VAV2: variants seen among roughly 807,000 people sequenced by gnomAD.
VAV2 encodes vav guanine nucleotide exchange factor 2.
In VAV2, 67 loss-of-function variants were observed where a neutral mutation model predicts 132.5. The observed-to-expected ratio is 0.51, with a 90% CI of 0.42 to 0.62. The LOEUF is 0.62. Among genes scored for constraint, VAV2 ranks in the 20% least tolerant of loss-of-function variants. The probability of loss-of-function intolerance (pLI) is 0.00; values close to 1 mark genes in which losing one functional copy is unlikely to be tolerated. For missense variants in VAV2, 938 were observed against 1,153.6 expected, an observed-to-expected ratio of 0.81 and a Z score of 2.71; for synonymous variants, 492 against 443.5, an observed-to-expected ratio of 1.11 and a Z score of -1.37.
At position 133,991,977 on chromosome 9, in the gene VAV2, C is replaced by A; in HGVS notation, c.204+98G>T. The A allele has an allele frequency of 9.3e-7, 1 of 1,072,268 alleles. No homozygotes were observed. Among genetic ancestry groups the A allele is most frequent in the Non-Finnish European group, 1.2e-6 (1 of 856,544 alleles). The allele number at this position is 1,072,268 out of a possible 1,614,324, so 66.4% of individuals were successfully genotyped here. A position where few individuals can be genotyped will look rare whatever the true frequency, so the allele number is the denominator to read the frequency against. On this transcript the variant is annotated intron_variant, in intron 1 of 29. Coordinates refer to ENST00000371850, the MANE Select transcript of VAV2 (RefSeq NM_001134398.2). The surrounding 1 kb of genome is among the most constrained non-coding windows in gnomAD (Gnocchi z 4.8). ...CGGAGCCCGGCCGCCCCAGCCAGGG[C>A]GCCTGGGCCGCCGCCGCTGCGACCT...
At chr9:133,968,359 AC>A (rs1204662880) in intron 1 of VAV2, among the ~76,000 whole-genome samples, 2 of 152,186 alleles carry the variant, frequency 1.3e-5, no homozygotes, top group African/African-American at 4.8e-5. Flanking sequence ...TACCCCATAA[AC>A]AACGTACAAT....
intron 4 of VAV2, among the ~76,000 whole-genome samples, chr9:133,822,964 TGGGGGCTGGA>T (rs1387668378): frequency 1.3e-4 from 20 of 152,212 alleles, no homozygotes; most frequent in African/African-American, 4.3e-4. Context: ...AACTGCAAAA[TGGGGGCTGGA>T]GCACCCACCT....
intron 1 of VAV2, among the ~76,000 whole-genome samples, chr9:133,950,002 G>T (rs558782033): frequency 6.6e-6 from 1 of 152,298 alleles, no homozygotes; most frequent in South Asian, 2.1e-4. Flanking sequence ...AGGACCAGCA[G>T]CCGTGAAGTC....
At chr9:133,936,881 G>A (rs757748662) in intron 2 of VAV2, among the ~76,000 whole-genome samples, 1 of 152,198 alleles carries the variant, frequency 6.6e-6, no homozygotes, top group Non-Finnish European at 1.5e-5. Flanking sequence ...AGCATGACAA[G>A]AAGCCCCTTC....
In VAV2 at chr9:133,833,892, G is replaced by A. The variant is rs566622784; in HGVS notation, c.449+380C>T. On this transcript the variant is annotated intron_variant, in intron 4 of 29. Transcript: ENST00000371850. This position sits in a 1 kb window ranked among gnomAD's most constrained non-coding sequence, Gnocchi z 5.6. ...CAGCACCGCTCCCTCCTCACAACAC[G>A]GCATCCCAGGACCCGGCTTGGGGAG... Among the ~76,000 whole-genome samples, 11 of 152,126 alleles carry A rather than the reference G, an allele frequency of 7.2e-5. No individual in the cohort carries two copies. The South Asian group carries it at 2.1e-3, about 29-fold the overall frequency.
chr9:133,836,230 C>G (rs1836467840), intron 3 of VAV2, among the ~76,000 whole-genome samples: 1 of 152,174 alleles, frequency 6.6e-6, no homozygotes, highest in Non-Finnish European at 1.5e-5. Context: ...GCAGGTGACC[C>G]CAGAAAGCAC....
intron 4 of VAV2, among the ~76,000 whole-genome samples, chr9:133,825,054 G>C (rs534578782): frequency 1.3e-5 from 2 of 152,234 alleles, no homozygotes; most frequent in South Asian, 4.1e-4. Flanking sequence ...GCCACATGCG[G>C]CCAAGGAGAA....
At chr9:133,910,210 A>T (rs1429413836) in intron 2 of VAV2, among the ~76,000 whole-genome samples, 1 of 152,202 alleles carries the variant, frequency 6.6e-6, no homozygotes, top group East Asian at 1.9e-4. Context: ...TAGAACAAGA[A>T]GCTGGGTGCA....
At chr9:133,872,428 G>A (rs907787089) in intron 2 of VAV2, among the ~76,000 whole-genome samples, 2 of 152,210 alleles carry the variant, frequency 1.3e-5, no homozygotes, top group Non-Finnish European at 2.9e-5. Context: ...TCCTCACTCC[G>A]CGCACCGTCT....
chr9:133,847,259 T>A (rs1037939415), intron 3 of VAV2, among the ~76,000 whole-genome samples: 2 of 152,276 alleles, frequency 1.3e-5, no homozygotes, highest in Admixed American at 1.3e-4. Context: ...AAGTGGGTGC[T>A]CAGGGAAGGG....
At chr9:133,977,393 G>C (rs1187870226) in intron 1 of VAV2, among the ~76,000 whole-genome samples, 2 of 152,206 alleles carry the variant, frequency 1.3e-5, no homozygotes, top group Non-Finnish European at 2.9e-5. Context: ...CCCAGTCACA[G>C]AGGGCAGGAG....
intron 23 of VAV2, among the ~76,000 whole-genome samples, chr9:133,777,074 C>T (rs543238376): frequency 9.9e-5 from 15 of 152,262 alleles, no homozygotes; most frequent in Admixed American, 3.3e-4. Context: ...ATAGAGTCCC[C>T]GAAATCTGGT....
chr9:133,895,162 A>G (rs2131989781), intron 2 of VAV2, among the ~76,000 whole-genome samples: 1 of 152,298 alleles, frequency 6.6e-6, no homozygotes, highest in African/African-American at 2.4e-5. Context: ...CAACTCCTAC[A>G]GCAAAGAGTC....
intron 2 of VAV2, among the ~76,000 whole-genome samples, chr9:133,917,505 G>T (rs925801255): frequency 7.0e-6 from 1 of 143,040 alleles, no homozygotes; most frequent in Admixed American, 7.2e-5. Context: ...TCACAAAGAC[G>T]CATAACCTCC....
chr9:133,836,683 G>T (rs1048495018), intron 3 of VAV2, among the ~76,000 whole-genome samples: 1 of 152,164 alleles, frequency 6.6e-6, no homozygotes, highest in African/African-American at 2.4e-5. Context: ...GAGTGTGGGC[G>T]ACAGTTTAGG....
At chr9:133,869,948 A>T (rs1416747666) in intron 2 of VAV2, among the ~76,000 whole-genome samples, 1 of 152,244 alleles carries the variant, frequency 6.6e-6, no homozygotes, top group African/African-American at 2.4e-5. Context: ...ATTGCTGCAT[A>T]TTCAGAAGCA....
chr9:133,848,659 C>T (rs1801940428), intron 3 of VAV2, among the ~76,000 whole-genome samples: 2 of 152,390 alleles, frequency 1.3e-5, no homozygotes, highest in Admixed American at 1.3e-4. Context: ...TGCTGGCAGG[C>T]ACGGGCCCCT....
At chr9:133,907,838 G>A (rs1246506988) in intron 2 of VAV2, among the ~76,000 whole-genome samples, 1 of 151,824 alleles carries the variant, frequency 6.6e-6, no homozygotes, top group Non-Finnish European at 1.5e-5. Context: ...GGGGAGAGCC[G>A]GGGGCGCCCC....
intron 4 of VAV2, among the ~76,000 whole-genome samples, chr9:133,829,709 C>A (rs974253718): frequency 2.6e-5 from 4 of 152,128 alleles, no homozygotes; most frequent in African/African-American, 9.7e-5. Flanking sequence ...ATCTATGTTG[C>A]CCAGGCTGGT....
Sources: allele counts gnomAD v4.1 joint callset (sites outside exome capture counted in the v4.1 genomes callset), GRCh38; gene constraint gnomAD v4.1.1; non-coding constraint Gnocchi (gnomAD v3.1); transcripts MANE v1.5; gene names NCBI Gene and HGNC (gene_info 2026-07-23, HGNC 2026-07-21).